Variants in SPIRE2 observed in about 807,000 individuals in gnomAD.
SPIRE2 encodes the protein spire type actin nucleation factor 2, also known as protein spire homolog 2.
Under a neutral mutation model 80.7 loss-of-function variants are expected in SPIRE2, and 76 were observed. That is an observed-to-expected ratio of 0.94 (90% CI 0.78 to 1.14). SPIRE2 has a LOEUF of 1.14. Among genes scored for constraint, SPIRE2 ranks in the 50% most tolerant of loss-of-function variants. The probability of loss-of-function intolerance (pLI) is 0.00; values close to 1 mark genes in which losing one functional copy is unlikely to be tolerated. For missense variants in SPIRE2, 1,196 were observed against 1,015.3 expected (o/e 1.18, Z -2.42); for synonymous variants, 535 against 432.6 (o/e 1.24, Z -2.94).
At chr16:89,869,422 C>T (rs779103370) in intron 13 of SPIRE2, 145 bp from the exon 14 acceptor site, 19 of 618,754 alleles carry the variant, frequency 3.1e-5, no homozygotes, top group East Asian at 2.5e-4. Flanking sequence ...GAGGAGACAT[C>T]GGAGAGCACA....
chr16:89,861,326 T>C (rs1328274119), intron 10 of SPIRE2, among the ~76,000 whole-genome samples: 1 of 152,202 alleles, frequency 6.6e-6, no homozygotes, highest in East Asian at 1.9e-4. Flanking sequence ...GGTGGCAGCA[T>C]GCAGGTGTTG....
chr16:89,831,739 T>C (rs1243942631), intron 1 of SPIRE2, among the ~76,000 whole-genome samples: 2 of 151,136 alleles, frequency 1.3e-5, no homozygotes, highest in African/African-American at 4.8e-5. Context: ...CTCTTTACGC[T>C]AGGATGCCCC....
Position 89,856,126 on chromosome 16 carries a change from G to C in SPIRE2, c.992G>C (p.Arg331Pro), listed in dbSNP as rs143773851. ...RPPLKQVSER[R>P]LRPLPPKQRS... Reference sequence around the variant, plus strand: ...TCCCCACCGCAGGTCTCTGAGAGGCGGCTGCGCCCGTTGCCACCAAAGCAA... The same window carrying C: ...TCCCCACCGCAGGTCTCTGAGAGGCCGCTGCGCCCGTTGCCACCAAAGCAA... Residue 331 changes from arginine (R) to proline (P), a missense_variant, in exon 7 of 15, where the codon CGG (arginine) becomes CCG (proline). Transcript: ENST00000378247. 1 of 1,611,718 alleles carries C rather than the reference G, an allele frequency of 6.2e-7. No individual in the cohort carries two copies. Among genetic ancestry groups the C allele is most frequent in the East Asian group, 2.2e-5 (1 of 44,856 alleles).
intron 13 of SPIRE2, among the ~76,000 whole-genome samples, 159 bp downstream of exon 13, chr16:89,868,375 T>C (rs2041808022): frequency 6.6e-6 from 1 of 152,222 alleles, no homozygotes; most frequent in African/African-American, 2.4e-5. Context: ...TGTGCAGTTT[T>C]TAAAGACCCT....
chr16:89,853,573 C>G (rs1287824978), intron 3 of SPIRE2, among the ~76,000 whole-genome samples: 3 of 152,126 alleles, frequency 2.0e-5, no homozygotes, highest in Non-Finnish European at 4.4e-5. Context: ...CAGGGAGTGT[C>G]CCAAAGCAGT....
chr16:89,858,378 A>G lies in SPIRE2; in HGVS notation c.1143A>G (p.Gly381=), dbSNP rs761741358. ...CCTGCATCCTCAACGCCTGCTCCGG[A>G]GATGCCAAGTCCACCTCCTGCATCA... ...SLPCILNACS[G]DAKSTSCINL... The change falls in exon 8 of 15, where the codon GGA becomes GGG. Residue 381 remains glycine (G), a synonymous_variant. Coordinates refer to ENST00000378247, the MANE Select transcript of SPIRE2 (RefSeq NM_032451.2). 2 of 1,611,552 alleles carry G rather than the reference A, an allele frequency of 1.2e-6. No homozygotes were observed. Among genetic ancestry groups the G allele is most frequent in the Admixed American group, 3.3e-5 (2 of 59,844 alleles).
At position 89,871,289 on chromosome 16, in the gene SPIRE2, C is replaced by G. The variant is rs891508002; in HGVS notation, c.*1017C>G. ...CTCTGTAAATCTGTGCACATGGCCACTCTTGGCCTAATAAAGGAGGTCTCA... is the reference window on the plus strand; with the variant it reads ...CTCTGTAAATCTGTGCACATGGCCAGTCTTGGCCTAATAAAGGAGGTCTCA... On this transcript the variant is annotated 3_prime_UTR_variant, in exon 15 of 15. Coordinates refer to ENST00000378247, the MANE Select transcript of SPIRE2 (RefSeq NM_032451.2). 6.6e-6 allele frequency: 1 copy of G among 152,312 alleles called. No homozygotes were observed. Among genetic ancestry groups the G allele is most frequent in the Non-Finnish European group, 1.5e-5 (1 of 68,102 alleles). 9.4% of individuals were successfully genotyped at this position (152,312 alleles called of 1,614,324 possible).
intron 1 of SPIRE2, among the ~76,000 whole-genome samples, chr16:89,829,674 A>C (rs1451373911): frequency 6.6e-6 from 1 of 151,658 alleles, no homozygotes. Flanking sequence ...GCCCCACCCA[A>C]GGGCCCTTGT....
At position 89,843,948 on chromosome 16, in the gene SPIRE2, G is replaced by A. The variant is rs59865142; in HGVS notation, c.245-1374G>A. Among the ~76,000 whole-genome samples the A allele has an allele frequency of 1.3e-3, 194 of 146,958 alleles. 1 individual carries two copies. Among genetic ancestry groups the A allele is most frequent in the African/African-American group, 4.6e-3 (182 of 39,794 alleles). On this transcript the variant is annotated intron_variant, in intron 1 of 14. Transcript: ENST00000378247. ...ACTCCTAATCTTAAGTGATCCACCCGCCGTGGCACCTCAAAGTGCTGAGAT... is the reference window on the plus strand; with the variant it reads ...ACTCCTAATCTTAAGTGATCCACCCACCGTGGCACCTCAAAGTGCTGAGAT...
chr16:89,860,980 G>A (rs910767887), intron 10 of SPIRE2, among the ~76,000 whole-genome samples, 185 bp downstream of exon 10: 1 of 152,144 alleles, frequency 6.6e-6, no homozygotes, highest in Non-Finnish European at 1.5e-5. Context: ...GTCTGGGGCC[G>A]TGGTCTCTGC....
At chr16:89,867,066 C>T (rs1215434865) in intron 12 of SPIRE2, among the ~76,000 whole-genome samples, 7 of 152,086 alleles carry the variant, frequency 4.6e-5, no homozygotes, top group South Asian at 2.1e-4. Context: ...AATGTCTACA[C>T]GTCTTCTTAG....
chr16:89,828,530 G>A lies in SPIRE2; in HGVS notation c.-21G>A. On this transcript the variant is annotated 5_prime_UTR_variant, in exon 1 of 15. Transcript: ENST00000378247. This position sits in a 1 kb window ranked among gnomAD's most constrained non-coding sequence, Gnocchi z 5.9. The stretch of plus-strand genomic sequence containing the variant: ...TGCATGGACGCGGGTCCGGCGCGCG[G>A]GAGGCGATGACGGCCCCGCCATGGC... The A allele has an allele frequency of 9.4e-7, 1 of 1,060,308 alleles. No individual in the cohort carries two copies. The allele number at this position is 1,060,308 out of a possible 1,614,324, so 65.7% of individuals were successfully genotyped here.
chr16:89,830,096 G>T lies in SPIRE2; in HGVS notation c.244+1302G>T, dbSNP rs995599707. Among the ~76,000 whole-genome samples the T allele has an allele frequency of 2.4e-4, 37 of 151,270 alleles. 1 individual carries two copies. Among genetic ancestry groups the T allele is most frequent in the African/African-American group, 8.0e-4 (33 of 41,356 alleles). ...GGCACACAGTGGTAAGTGGTTTGCC[G>T]GGTGGTTAGAATCCAGAGCTCCTCA... On this transcript the variant is annotated intron_variant, in intron 1 of 14. Coordinates refer to ENST00000378247, the MANE Select transcript of SPIRE2 (RefSeq NM_032451.2).
chr16:89,842,465 G>A (rs555897104), intron 1 of SPIRE2, among the ~76,000 whole-genome samples: 4 of 151,134 alleles, frequency 2.6e-5, no homozygotes, highest in African/African-American at 7.3e-5. Flanking sequence ...CACCCACTTC[G>A]GCCTCCCGAA....
chr16:89,832,021 C>G (rs2041389442), intron 1 of SPIRE2, among the ~76,000 whole-genome samples: 1 of 152,266 alleles, frequency 6.6e-6, no homozygotes, highest in East Asian at 1.9e-4. Flanking sequence ...CTTCCCTCCT[C>G]TGGTTCCCTC....
In SPIRE2 at chr16:89,863,786, C is replaced by T. The variant is rs746095594; in HGVS notation, c.1711-8C>T. On this transcript the variant is annotated splice_polypyrimidine_tract_variant and splice_region_variant and intron_variant, in intron 11 of 14. Coordinates refer to ENST00000378247, the MANE Select transcript of SPIRE2 (RefSeq NM_032451.2). The surrounding 1 kb of genome is among the most constrained non-coding windows in gnomAD (Gnocchi z 4.3). ...CAAAGCGGGGCTCTAACCAGTCTCT[C>T]CTGACAGATTTGCTGCTGCTGCCGG... The T allele has an allele frequency of 1.2e-5, 20 of 1,613,874 alleles. No individual in the cohort carries two copies. In the African/African-American group the frequency reaches 2.5e-4, roughly 20 times the overall value.
Position 89,859,191 on chromosome 16 carries a change from G to A in SPIRE2, c.1299G>A (p.Val433=). The change falls in exon 9 of 15, where the codon GTG becomes GTA. Residue 433 remains valine, a synonymous_variant. Coordinates refer to ENST00000378247, the MANE Select transcript of SPIRE2 (RefSeq NM_032451.2). ...SEEEESPCGE[V]TLKRDRSFSE... is the part of the protein sequence containing the mutation. ...AAGAAGAGTCTCCGTGTGGGGAGGT[G>A]ACGCTGAAACGGGACCGCTCCTTCT... is the stretch of plus-strand genomic sequence containing the variant. The A allele has an allele frequency of 6.3e-7, 1 of 1,595,470 alleles. No homozygotes were observed.
At chr16:89,837,030 T>C (rs2041456869) in intron 1 of SPIRE2, among the ~76,000 whole-genome samples, 1 of 152,062 alleles carries the variant, frequency 6.6e-6, no homozygotes, top group African/African-American at 2.4e-5. Flanking sequence ...AGATTCCTGT[T>C]CTGTAGGTCT....
chr16:89,842,559 A>G (rs2041515826), intron 1 of SPIRE2, among the ~76,000 whole-genome samples: 1 of 152,182 alleles, frequency 6.6e-6, no homozygotes, highest in Admixed American at 6.5e-5. Flanking sequence ...CCTATGGAGT[A>G]TTTGAGCCAG....
Sources: allele counts gnomAD v4.1 joint callset (sites outside exome capture counted in the v4.1 genomes callset), GRCh38; gene constraint gnomAD v4.1.1; non-coding constraint Gnocchi (gnomAD v3.1); transcripts MANE v1.5; gene names NCBI Gene and HGNC (gene_info 2026-07-23, HGNC 2026-07-21).